PKD2: variants seen among roughly 807,000 people sequenced by gnomAD.
PKD2 encodes polycystin-2.
Under a neutral mutation model 105.9 loss-of-function variants are expected in PKD2, and 48 were observed. The observed-to-expected ratio is 0.45, with a 90% CI of 0.36 to 0.58. PKD2 has a LOEUF of 0.58. Ranked by LOEUF, PKD2 falls within the 20% of genes least tolerant of loss-of-function variation. The pLI is 0.00. For synonymous variants in PKD2, 464 were observed against 481.1 expected (o/e 0.96, Z 0.46); for missense variants, 1,078 against 1,255.3 (o/e 0.86, Z 2.13).
chr4:88,071,326 A>G (rs1418833224), intron 13 of PKD2, among the ~76,000 whole-genome samples: 3 of 152,170 alleles, frequency 2.0e-5, no homozygotes, highest in Admixed American at 2.0e-4. Flanking sequence ...CTGGGATTAC[A>G]GGCATGAACC....
In PKD2 at chr4:88,032,724, C is replaced by T. The variant is rs188856800; in HGVS notation, c.710-3496C>T. On this transcript the variant is annotated intron_variant, in intron 2 of 14. Coordinates refer to ENST00000237596, the MANE Select transcript of PKD2 (RefSeq NM_000297.4). ...TCCAAGTGGGCTTTCTCCAGTTTTC[C>T]TTTCAGGGACTTAAAGGAGAAGTGA... Among the ~76,000 whole-genome samples, 164 of 152,198 alleles carry T rather than the reference C, an allele frequency of 1.1e-3. 1 individual carries two copies. Among genetic ancestry groups the T allele is most frequent in the African/African-American group, 3.8e-3 (158 of 41,532 alleles).
chr4:88,041,732 A>G (rs558453088), intron 4 of PKD2, among the ~76,000 whole-genome samples: 26 of 152,316 alleles, frequency 1.7e-4, no homozygotes, highest in African/African-American at 5.5e-4. Flanking sequence ...CATTGCTTAT[A>G]CAAATAGCAC....
At chr4:88,065,131 A>G (rs1720740048) in intron 10 of PKD2, among the ~76,000 whole-genome samples, 1 of 152,220 alleles carries the variant, frequency 6.6e-6, no homozygotes, top group Non-Finnish European at 1.5e-5. Flanking sequence ...TTGAATACAC[A>G]TATGAGTAAA....
intron 1 of PKD2, among the ~76,000 whole-genome samples, chr4:88,014,486 T>TAA (rs33970692): frequency 0.22 from 31,240 of 144,562 alleles, 4,100 homozygotes; most frequent in East Asian, 0.64. Flanking sequence ...ACACTGTCTC[T>TAA]AAAAAAAAAA....
chr4:88,074,241 C>G (rs1721143267), intron 13 of PKD2, among the ~76,000 whole-genome samples: 1 of 152,138 alleles, frequency 6.6e-6, no homozygotes, highest in Non-Finnish European at 1.5e-5. Context: ...CTCAACATCC[C>G]AAGGCTCAGG....
At chr4:88,018,290 G>C (rs74876397) in intron 1 of PKD2, among the ~76,000 whole-genome samples, 73 of 152,310 alleles carry the variant, frequency 4.8e-4, no homozygotes, top group African/African-American at 1.7e-3. Context: ...TTCAGGAATA[G>C]AACTTACATA....
chr4:88,051,100 C>A (rs1480030054), intron 6 of PKD2, among the ~76,000 whole-genome samples: 1 of 152,122 alleles, frequency 6.6e-6, no homozygotes, highest in Non-Finnish European at 1.5e-5. Flanking sequence ...TGATGGATGC[C>A]AAGGAGGGGG....
Position 88,024,844 on chromosome 4 carries a change from GA to G in PKD2, c.709+5279del, listed in dbSNP as rs1404198430. Among the ~76,000 whole-genome samples the G allele has an allele frequency of 1.1e-4, 17 of 152,236 alleles. No homozygotes were observed. In the East Asian group the frequency reaches 2.9e-3, roughly 26 times the overall value. Reference sequence around the variant, plus strand: ...ACTTCCATAAATATTTTATAGAGTAGAAAAAATAGGCCAAGCACAGTGGCTC... The same window carrying G: ...ACTTCCATAAATATTTTATAGAGTAGAAAAATAGGCCAAGCACAGTGGCTC... On this transcript the variant is annotated intron_variant, in intron 2 of 14. Transcript: ENST00000237596.
chr4:88,074,665 A>G, intron 13 of PKD2, 147 bp from the exon 14 acceptor site: 1 of 845,088 alleles, frequency 1.2e-6, no homozygotes, highest in Non-Finnish European at 2.0e-6. Context: ...CCGAGAGTTA[A>G]TCTGTAAAGC....
chr4:88,011,902 GGGGGA>G lies in PKD2; in HGVS notation c.595+3579_595+3583del, dbSNP rs1312843590. Among the ~76,000 whole-genome samples the G allele has an allele frequency of 2.8e-3, 416 of 146,068 alleles. 7 individuals carry two copies. The highest frequency in any genetic ancestry group is 0.01 in the African/African-American group (397 of 38,572). On this transcript the variant is annotated intron_variant, in intron 1 of 14. Transcript: ENST00000237596. ...AATTACAGGTTTTCAATGGGGGGGGGGGGGAGGGGCAGTTTTGCCCCTCAGGGGAC... is the reference window on the plus strand; with the variant it reads ...AATTACAGGTTTTCAATGGGGGGGGGGGGGCAGTTTTGCCCCTCAGGGGAC...
chr4:88,036,120 A>G, intron 2 of PKD2, 100 bp from the exon 3 acceptor site: 1 of 1,603,638 alleles, frequency 6.2e-7, no homozygotes. Flanking sequence ...AATTTGTCCA[A>G]AATGTTTATC....
At chr4:88,048,477 T>G (rs183308469) in intron 6 of PKD2, among the ~76,000 whole-genome samples, 8 of 152,240 alleles carry the variant, frequency 5.3e-5, no homozygotes, top group Admixed American at 4.6e-4. Context: ...TTAGCAGCAA[T>G]AATAATTGTA....
At chr4:88,015,701 CG>C (rs1390988517) in intron 1 of PKD2, among the ~76,000 whole-genome samples, 3 of 152,180 alleles carry the variant, frequency 2.0e-5, no homozygotes, top group African/African-American at 7.2e-5. Flanking sequence ...GGATTACAGG[CG>C]TGAGCCAGTG....
intron 9 of PKD2, among the ~76,000 whole-genome samples, chr4:88,059,733 ATACATACATACG>A (rs1720496077): frequency 6.8e-6 from 1 of 146,444 alleles, no homozygotes; most frequent in Non-Finnish European, 1.5e-5. Context: ...AGGTGGATAG[ATACATACATACG>A]TACATACATA....
chr4:88,074,999 G>T (rs550597425), intron 14 of PKD2, 40 bp downstream of exon 14: 11 of 1,608,304 alleles, frequency 6.8e-6, no homozygotes, highest in Middle Eastern at 1.7e-4. Context: ...GCTGAGCATG[G>T]TGTTATTAAT....
At position 88,056,257 on chromosome 4, in the gene PKD2, C is replaced by T. The variant is rs1436409379; in HGVS notation, c.1888C>T (p.Gln630Ter). ...TCAGGTCGATGACTTCAGTACTTTCCAAGAGTGTATGTAAGTATATATGAA... is the reference window on the plus strand; with the variant it reads ...TCAGGTCGATGACTTCAGTACTTTCTAAGAGTGTATGTAAGTATATATGAA... ...GTQVDDFSTF[Q>*]ECIFTQFRII... The change falls in exon 8 of 15, where the codon CAA becomes TAA. Residue 630 changes from glutamine to a stop codon, truncating the protein, a stop_gained. Transcript: ENST00000237596. LOFTEE classifies it high-confidence loss of function. The T allele has an allele frequency of 6.2e-7, 1 of 1,606,108 alleles. No homozygotes were observed. Among genetic ancestry groups the T allele is most frequent in the Non-Finnish European group, 8.5e-7 (1 of 1,173,158 alleles).
chr4:88,063,573 G>A (rs1013029176), intron 10 of PKD2, among the ~76,000 whole-genome samples: 2 of 151,916 alleles, frequency 1.3e-5, no homozygotes, highest in Non-Finnish European at 2.9e-5. Flanking sequence ...AAGAGAATGG[G>A]CTAGCAAAGA....
At chr4:88,045,006 A>G (rs1443999927) in intron 5 of PKD2, among the ~76,000 whole-genome samples, 1 of 152,222 alleles carries the variant, frequency 6.6e-6, no homozygotes, top group Non-Finnish European at 1.5e-5. Context: ...TCCAGTGCAG[A>G]TAAAAAGAAA....
At chr4:88,064,253 A>T (rs1297004379) in intron 10 of PKD2, among the ~76,000 whole-genome samples, 2 of 152,240 alleles carry the variant, frequency 1.3e-5, no homozygotes, top group African/African-American at 2.4e-5. Context: ...TCCACATTGT[A>T]AAGTGTACAG....
Sources: allele counts gnomAD v4.1 joint callset (sites outside exome capture counted in the v4.1 genomes callset), GRCh38; gene constraint gnomAD v4.1.1; transcripts MANE v1.5; gene names NCBI Gene and HGNC (gene_info 2026-07-23, HGNC 2026-07-21).